Variants in RARB observed in about 807,000 individuals in gnomAD.
RARB encodes the protein retinoic acid receptor beta.
A neutral mutation model predicts 51.9 loss-of-function variants in RARB; 17 were observed. That is an observed-to-expected ratio of 0.33 (90% CI 0.22 to 0.49). The LOEUF (loss-of-function observed/expected upper bound fraction) is 0.49, where lower values mean the gene tolerates loss of function less well. RARB is among the 20% of genes least tolerant of loss of function. The pLI, the probability that RARB is intolerant of heterozygous loss-of-function variation, is 0.99. For synonymous variants in RARB, 215 were observed against 195.4 expected (o/e 1.10, Z -0.84); for missense variants, 369 against 550.8 (o/e 0.67, Z 3.30).
intron 3 of RARB, among the ~76,000 whole-genome samples, chr3:25,100,561 C>A (rs1189801577): frequency 6.6e-6 from 1 of 152,148 alleles, no homozygotes; most frequent in Non-Finnish European, 1.5e-5. Context: ...GGTAGTATAA[C>A]TAAGCAAATA....
At chr3:25,402,106 G>A (rs1707279506) in intron 5 of RARB, among the ~76,000 whole-genome samples, 1 of 152,024 alleles carries the variant, frequency 6.6e-6, no homozygotes, top group Non-Finnish European at 1.5e-5. Flanking sequence ...ATTTTGATTT[G>A]TAGAAAGAGT....
At chr3:25,296,753 G>A (rs987498317) in intron 5 of RARB, among the ~76,000 whole-genome samples, 4 of 152,076 alleles carry the variant, frequency 2.6e-5, no homozygotes, top group Admixed American at 6.6e-5. Context: ...CCCATGAACC[G>A]GTCCATGTAT....
chr3:25,018,904 A>C (rs1404200855), intron 2 of RARB, among the ~76,000 whole-genome samples: 1 of 152,224 alleles, frequency 6.6e-6, no homozygotes, highest in East Asian at 1.9e-4. Flanking sequence ...AACTCATTTC[A>C]GTCATTTTTC....
chr3:25,192,816 C>T (rs971515100), intron 5 of RARB, among the ~76,000 whole-genome samples: 1 of 151,944 alleles, frequency 6.6e-6, no homozygotes, highest in Admixed American at 6.6e-5. Context: ...TGGTCTTACT[C>T]ATAATTGGGA....
At chr3:25,008,937 C>A (rs765698662) in intron 2 of RARB, among the ~76,000 whole-genome samples, 2 of 152,266 alleles carry the variant, frequency 1.3e-5, no homozygotes, top group African/African-American at 4.8e-5. Flanking sequence ...TTACTAGTAA[C>A]AACAACTATA....
chr3:25,463,092 C>T (rs892343097), intron 2 of RARB, among the ~76,000 whole-genome samples: 3 of 152,126 alleles, frequency 2.0e-5, no homozygotes, highest in Non-Finnish European at 2.9e-5. Flanking sequence ...AGGCTGACCT[C>T]GAATTCCTGG....
intron 4 of RARB, among the ~76,000 whole-genome samples, chr3:25,134,935 G>C (rs528509157): frequency 3.3e-5 from 5 of 151,890 alleles, no homozygotes; most frequent in Admixed American, 6.6e-5. Context: ...GAATTTCAAA[G>C]TTACTAATAT....
intron 2 of RARB, among the ~76,000 whole-genome samples, chr3:24,882,331 C>G (rs552098224): frequency 6.6e-6 from 1 of 152,264 alleles, no homozygotes; most frequent in East Asian, 1.9e-4. Flanking sequence ...TGTGTGTACT[C>G]TAGATATTCC....
intron 2 of RARB, among the ~76,000 whole-genome samples, chr3:25,469,546 A>G (rs1174572624): frequency 6.6e-6 from 1 of 152,216 alleles, no homozygotes. Context: ...CTTCATTACT[A>G]TATTGGATCA....
chr3:25,000,074 A>G (rs1020281924), intron 2 of RARB, among the ~76,000 whole-genome samples: 6 of 152,282 alleles, frequency 3.9e-5, no homozygotes, highest in East Asian at 1.9e-4. Context: ...TCCGGCTTCA[A>G]TCATTAGAAT....
At chr3:25,553,042 C>T (rs192408927) in intron 3 of RARB, among the ~76,000 whole-genome samples, 6 of 151,892 alleles carry the variant, frequency 4.0e-5, no homozygotes, top group African/African-American at 9.7e-5. Context: ...CGAAGGAAGA[C>T]GGGCAAACTA....
chr3:25,398,333 G>A (rs1042059704), intron 5 of RARB, among the ~76,000 whole-genome samples: 3 of 152,012 alleles, frequency 2.0e-5, no homozygotes, highest in Admixed American at 6.6e-5. Context: ...CATTATTATC[G>A]ATAAAAGTTA....
At chr3:25,396,689 C>G (rs1363482680) in intron 5 of RARB, among the ~76,000 whole-genome samples, 1 of 152,022 alleles carries the variant, frequency 6.6e-6, no homozygotes, top group Non-Finnish European at 1.5e-5. Context: ...AGCTCAGACT[C>G]TCTTTGGGTG....
chr3:25,262,066 A>C (rs1341974371), intron 5 of RARB, among the ~76,000 whole-genome samples: 1 of 152,150 alleles, frequency 6.6e-6, no homozygotes, highest in Non-Finnish European at 1.5e-5. Flanking sequence ...AATAGACTAA[A>C]GGCCAAAGAC....
rs540157526 is a variant in RARB at position 24,860,129 on chromosome 3, T to C, written c.-380+1377T>C. On this transcript the variant is annotated intron_variant, in intron 2 of 11. Coordinates refer to the RARB transcript ENST00000383772. ...ATGTTAAACTAATCATTTCCCAAAA[T>C]GAACGGGGCCCATGTCAGAGGGGTT... Among the ~76,000 whole-genome samples, 3 of 152,276 alleles carry C rather than the reference T, an allele frequency of 2.0e-5. No individual in the cohort carries two copies. The East Asian group carries it at 5.8e-4, about 29-fold the overall frequency.
rs142219094 is a variant in RARB, at chr3:24,890,439, C to T, written c.-380+31687C>T. ...TGAGAGTTTGGACTTATTTCACGAG[C>T]GGCACCGTGAAGACGTATGACTTTG... On this transcript the variant is annotated intron_variant, in intron 2 of 11. Transcript: ENST00000383772. Among the ~76,000 whole-genome samples, 10 of 152,236 alleles carry T rather than the reference C, an allele frequency of 6.6e-5. No individual in the cohort carries two copies. In the East Asian group the frequency reaches 9.7e-4, roughly 15 times the overall value.
intron 5 of RARB, among the ~76,000 whole-genome samples, chr3:25,337,837 C>T (rs1312750750): frequency 2.0e-5 from 3 of 152,076 alleles, no homozygotes; most frequent in African/African-American, 7.2e-5. Flanking sequence ...TCCCTGTCTA[C>T]ATCCCCAGAG....
chr3:24,893,934 T>G (rs1375178995), intron 2 of RARB, among the ~76,000 whole-genome samples: 4 of 152,196 alleles, frequency 2.6e-5, no homozygotes, highest in Non-Finnish European at 5.9e-5. Context: ...TCAAAACAAT[T>G]ATACTTTCAG....
At chr3:25,086,422 G>A (rs760904095) in intron 3 of RARB, among the ~76,000 whole-genome samples, 3 of 152,162 alleles carry the variant, frequency 2.0e-5, no homozygotes, top group Non-Finnish European at 4.4e-5. Flanking sequence ...GGGAAGTCAG[G>A]ACATTTTTTC....
Sources: allele counts gnomAD v4.1 joint callset (sites outside exome capture counted in the v4.1 genomes callset), GRCh38; gene constraint gnomAD v4.1.1; transcripts MANE v1.5; gene names NCBI Gene and HGNC (gene_info 2026-07-23, HGNC 2026-07-21).